ASAP1: variants seen among roughly 807,000 people sequenced by gnomAD.
ASAP1 encodes arf-GAP with SH3 domain, ANK repeat and PH domain-containing protein 1.
Under a neutral mutation model 145.2 loss-of-function variants are expected in ASAP1, and 43 were observed. The ratio of observed to expected loss-of-function variants is 0.30; its 90% CI spans 0.23 to 0.38. The LOEUF is 0.38. Among genes scored for constraint, ASAP1 ranks in the 10% least tolerant of loss-of-function variants. ASAP1 has a pLI of 1.00. For missense variants in ASAP1, 1,018 were observed against 1,355.3 expected (o/e 0.75, Z 3.91); for synonymous variants, 546 against 515.5 (o/e 1.06, Z -0.80).
At chr8:130,103,566 C>T (rs947813939) in intron 24 of ASAP1, among the ~76,000 whole-genome samples, 3 of 152,060 alleles carry the variant, frequency 2.0e-5, no homozygotes, top group East Asian at 1.9e-4. Flanking sequence ...TGCAGTGACG[C>T]GATCTCGGCT....
chr8:130,212,471 T>C (rs989957158), intron 5 of ASAP1, among the ~76,000 whole-genome samples: 13 of 152,146 alleles, frequency 8.5e-5, no homozygotes, highest in East Asian at 3.9e-4. Flanking sequence ...AGGCAGGATA[T>C]TGTAGAAGAG....
chr8:130,407,007 A>G (rs975350716), intron 1 of ASAP1, among the ~76,000 whole-genome samples: 3 of 152,226 alleles, frequency 2.0e-5, no homozygotes, highest in Non-Finnish European at 2.9e-5. Flanking sequence ...CTTACAGCAC[A>G]GCTAGTAACC....
At chr8:130,154,874 A>G (rs760147665) in intron 12 of ASAP1, among the ~76,000 whole-genome samples, 3 of 152,220 alleles carry the variant, frequency 2.0e-5, no homozygotes, top group Non-Finnish European at 4.4e-5. Context: ...GCTAAATCAC[A>G]TACTTTCTTC....
At chr8:130,338,025 A>T (rs1825142908) in intron 3 of ASAP1, among the ~76,000 whole-genome samples, 1 of 152,222 alleles carries the variant, frequency 6.6e-6, no homozygotes, top group South Asian at 2.1e-4. Context: ...CATTTTACAG[A>T]GGAAGAACAG....
intron 24 of ASAP1, among the ~76,000 whole-genome samples, chr8:130,100,314 TTTTCTTTCTTTC>T (rs112085116): frequency 3.3e-5 from 5 of 151,414 alleles, no homozygotes; most frequent in African/African-American, 9.7e-5. Flanking sequence ...ATATGTCGTG[TTTTCTTTCTTTC>T]TTTCTTTCTT....
intron 5 of ASAP1, among the ~76,000 whole-genome samples, chr8:130,207,560 G>A (rs527584295): frequency 2.0e-5 from 3 of 152,156 alleles, no homozygotes; most frequent in Non-Finnish European, 4.4e-5. Flanking sequence ...AACACAAGGA[G>A]GGATTACTAA....
chr8:130,180,077 AG>A (rs1276834922), intron 8 of ASAP1, among the ~76,000 whole-genome samples: 1 of 145,732 alleles, frequency 6.9e-6, no homozygotes, highest in East Asian at 2.2e-4. Flanking sequence ...GGGAAGGGGA[AG>A]GGGGAAAGAG....
intron 11 of ASAP1, among the ~76,000 whole-genome samples, chr8:130,165,850 C>G (rs2097678907): frequency 1.3e-5 from 2 of 152,180 alleles, no homozygotes; most frequent in South Asian, 4.1e-4. Flanking sequence ...GTCACTAGTG[C>G]AGGGCTTCCC....
At chr8:130,088,530 A>C (rs1190613303) in intron 25 of ASAP1, among the ~76,000 whole-genome samples, 1 of 152,052 alleles carries the variant, frequency 6.6e-6, no homozygotes, top group Non-Finnish European at 1.5e-5. Context: ...AGGCTGCACC[A>C]CTCCACGGAT....
At chr8:130,433,868 A>T (rs566409551) in intron 1 of ASAP1, among the ~76,000 whole-genome samples, 1 of 152,380 alleles carries the variant, frequency 6.6e-6, no homozygotes, top group South Asian at 2.1e-4. Context: ...AGAAAACTAA[A>T]GCTTAGGCAG....
intron 1 of ASAP1, among the ~76,000 whole-genome samples, chr8:130,441,171 T>C (rs1028880715): frequency 6.6e-6 from 1 of 152,240 alleles, no homozygotes; most frequent in African/African-American, 2.4e-5. Flanking sequence ...TATTCATCTT[T>C]GCAGGACTGG....
intron 1 of ASAP1, among the ~76,000 whole-genome samples, chr8:130,409,599 A>T (rs1489912363): frequency 6.6e-6 from 1 of 152,228 alleles, no homozygotes; most frequent in Non-Finnish European, 1.5e-5. Flanking sequence ...GAGACCTTGC[A>T]GAAGCCCACC....
rs749399668 is a variant in ASAP1, at chr8:130,141,264, T to C, written c.1081-4226A>G. Among the ~76,000 whole-genome samples the C allele has an allele frequency of 1.5e-4, 23 of 152,170 alleles. 1 individual carries two copies. Among genetic ancestry groups the C allele is most frequent in the Admixed American group, 1.4e-3 (22 of 15,282 alleles). On this transcript the variant is annotated intron_variant, in intron 13 of 29. Transcript: ENST00000518721. ...TCAGAATAAACACACATCTGTGCCA[T>C]GACCTCCAGGCACCAATCGCAGGCC...
intron 13 of ASAP1, among the ~76,000 whole-genome samples, chr8:130,151,787 C>T (rs2097646927): frequency 6.6e-6 from 1 of 152,132 alleles, no homozygotes; most frequent in Non-Finnish European, 1.5e-5. Flanking sequence ...TAGTAAGTGC[C>T]CAAGGGGGCG....
At chr8:130,405,577 G>A (rs564208704) in intron 1 of ASAP1, among the ~76,000 whole-genome samples, 32 of 152,266 alleles carry the variant, frequency 2.1e-4, no homozygotes, top group South Asian at 4.1e-4. Flanking sequence ...CCTTGTCAGC[G>A]AGCCTCTTTA....
At chr8:130,395,505 A>G (rs999946753) in intron 2 of ASAP1, among the ~76,000 whole-genome samples, 1 of 152,208 alleles carries the variant, frequency 6.6e-6, no homozygotes, top group Admixed American at 6.5e-5. Flanking sequence ...CACAGGCAGG[A>G]ACTGGAGTGA....
intron 15 of ASAP1, among the ~76,000 whole-genome samples, chr8:130,133,604 C>T (rs1292420725): frequency 1.3e-5 from 2 of 151,372 alleles, no homozygotes; most frequent in African/African-American, 2.4e-5. Flanking sequence ...TGCAGTGAGC[C>T]GAGATTGCGC....
intron 1 of ASAP1, among the ~76,000 whole-genome samples, chr8:130,419,927 C>G (rs932594219): frequency 6.6e-6 from 1 of 151,804 alleles, no homozygotes; most frequent in African/African-American, 2.4e-5. Context: ...TGGAGCTTCC[C>G]TACATCTGCC....
chr8:130,163,325 T>C (rs1391307409), intron 11 of ASAP1, among the ~76,000 whole-genome samples: 1 of 152,266 alleles, frequency 6.6e-6, no homozygotes, highest in African/African-American at 2.4e-5. Context: ...TCTGTAAATG[T>C]ATCATTAAGA....
Sources: allele counts gnomAD v4.1 joint callset (sites outside exome capture counted in the v4.1 genomes callset), GRCh38; gene constraint gnomAD v4.1.1; transcripts MANE v1.5; gene names NCBI Gene and HGNC (gene_info 2026-07-23, HGNC 2026-07-21).